TRABD2B: variants seen among roughly 807,000 people sequenced by gnomAD.
TRABD2B encodes metalloprotease TIKI2.
A neutral mutation model predicts 40.1 loss-of-function variants in TRABD2B; 14 were observed. The observed-to-expected ratio is 0.35, with a 90% CI of 0.23 to 0.55. The LOEUF is 0.55. TRABD2B is among the 20% of genes least tolerant of loss of function. The probability of loss-of-function intolerance (pLI) is 0.90; values close to 1 mark genes in which losing one functional copy is unlikely to be tolerated. For synonymous variants in TRABD2B, 263 were observed against 277.0 expected (o/e 0.95, Z 0.50); for missense variants, 541 against 648.6 (o/e 0.83, Z 1.80).
chr1:47,791,819 C>T (rs1644677954), intron 4 of TRABD2B, among the ~76,000 whole-genome samples: 1 of 152,226 alleles, frequency 6.6e-6, no homozygotes, highest in South Asian at 2.1e-4. Flanking sequence ...TAGGATGACT[C>T]TGTAACAGGC....
At chr1:47,966,316 G>A (rs1645602519) in intron 2 of TRABD2B, among the ~76,000 whole-genome samples, 1 of 152,188 alleles carries the variant, frequency 6.6e-6, no homozygotes, top group South Asian at 2.1e-4. Context: ...TGGCCACACG[G>A]CTGGGCTCTT....
At chr1:47,948,114 A>G (rs1336691817) in intron 2 of TRABD2B, among the ~76,000 whole-genome samples, 1 of 152,174 alleles carries the variant, frequency 6.6e-6, no homozygotes. Context: ...AAAAGGTCTG[A>G]AATTCTAATG....
At chr1:47,919,204 T>A (rs180698825) in intron 2 of TRABD2B, among the ~76,000 whole-genome samples, 1 of 152,334 alleles carries the variant, frequency 6.6e-6, no homozygotes, top group Non-Finnish European at 1.5e-5. Flanking sequence ...TAGACAATTA[T>A]CTGAACAAAT....
chr1:47,922,890 C>T (rs1179698734), intron 2 of TRABD2B, among the ~76,000 whole-genome samples: 1 of 152,228 alleles, frequency 6.6e-6, no homozygotes, highest in Non-Finnish European at 1.5e-5. Flanking sequence ...GTTTAAAACC[C>T]TTCAAGGGTC....
rs750236188 is a variant in TRABD2B, at chr1:47,966,648, T to C, written c.666+27386A>G. ...GGCCTGGTGCAGTGGCTCACACTTG[T>C]AATCTCAGCATTTTGGGAGGCCGAG... On this transcript the variant is annotated intron_variant, in intron 2 of 6. Coordinates refer to ENST00000606738, the MANE Select transcript of TRABD2B (RefSeq NM_001194986.2). Among the ~76,000 whole-genome samples, 9 of 152,274 alleles carry C rather than the reference T, an allele frequency of 5.9e-5. No individual in the cohort carries two copies. The East Asian group carries it at 7.7e-4, about 13-fold the overall frequency.
At chr1:47,948,674 C>G (rs1214759269) in intron 2 of TRABD2B, among the ~76,000 whole-genome samples, 1 of 152,114 alleles carries the variant, frequency 6.6e-6, no homozygotes. Flanking sequence ...GAGAAGAATA[C>G]AAAATTCTTA....
rs1644234330 is a variant in TRABD2B at position 47,760,658 on chromosome 1, A to T, written c.*5244T>A. 1 of 152,210 alleles carries T rather than the reference A, an allele frequency of 6.6e-6. No individual in the cohort carries two copies. The allele number at this position is 152,210 out of a possible 1,614,324, so 9.4% of individuals were successfully genotyped here. A position where few individuals can be genotyped will look rare whatever the true frequency, so the allele number is the denominator to read the frequency against. On this transcript the variant is annotated 3_prime_UTR_variant, in exon 7 of 7. Transcript: ENST00000606738. ...CTCTTCATGATAATTCACAGAGGTG[A>T]GGGGCAGAGGTGATAAGAGAACAAC...
intron 2 of TRABD2B, among the ~76,000 whole-genome samples, chr1:47,859,525 T>C (rs1643935334): frequency 6.6e-6 from 1 of 152,246 alleles, no homozygotes; most frequent in African/African-American, 2.4e-5. Flanking sequence ...TGTAGAGCTC[T>C]GGCCACAGAA....
At chr1:47,921,252 T>C (rs1482780442) in intron 2 of TRABD2B, among the ~76,000 whole-genome samples, 2 of 152,194 alleles carry the variant, frequency 1.3e-5, no homozygotes, top group East Asian at 3.9e-4. Flanking sequence ...GACCTGTGAA[T>C]TTCCAGAAGT....
intron 2 of TRABD2B, among the ~76,000 whole-genome samples, chr1:47,841,748 G>A (rs1217974650): frequency 6.6e-6 from 1 of 151,744 alleles, no homozygotes; most frequent in African/African-American, 2.4e-5. Context: ...GACAGGTCTT[G>A]CAAGGATGAC....
chr1:47,875,698 A>T (rs7555413), intron 2 of TRABD2B, among the ~76,000 whole-genome samples: 3 of 132,252 alleles, frequency 2.3e-5, no homozygotes, highest in South Asian at 2.3e-4. Flanking sequence ...AAAAAAAAAA[A>T]AAGAAGAAGG....
chr1:47,858,208 ATTTTATTTTAT>A (rs1186677042), intron 2 of TRABD2B, among the ~76,000 whole-genome samples: 333 of 1,688 alleles, frequency 0.2, 3 homozygotes, highest in African/African-American at 0.24. Context: ...ATTTTACTTT[ATTTTATTTTAT>A]TTTATTTTAT....
At chr1:47,888,212 G>C (rs375811175) in intron 2 of TRABD2B, among the ~76,000 whole-genome samples, 1 of 152,154 alleles carries the variant, frequency 6.6e-6, no homozygotes, top group African/African-American at 2.4e-5. Flanking sequence ...TTAGCCTGAC[G>C]GGCCTGAAAG....
intron 2 of TRABD2B, among the ~76,000 whole-genome samples, chr1:47,868,191 T>A (rs1644087598): frequency 6.6e-6 from 1 of 152,232 alleles, no homozygotes; most frequent in African/African-American, 2.4e-5. Context: ...ATTCTTCAAT[T>A]TAAAATGACA....
At chr1:47,902,044 T>C (rs916763477) in intron 2 of TRABD2B, among the ~76,000 whole-genome samples, 2 of 152,172 alleles carry the variant, frequency 1.3e-5, no homozygotes, top group Admixed American at 6.5e-5. Flanking sequence ...CAACCTTCAA[T>C]TGGCCAGCAC....
At chr1:47,834,590 C>T (rs2095975) in intron 2 of TRABD2B, among the ~76,000 whole-genome samples, 47,462 of 151,868 alleles carry the variant, frequency 0.31, 7,759 homozygotes, top group Non-Finnish European at 0.37. Context: ...CACACACACA[C>T]ACACACACAC....
rs568216172 is a variant in TRABD2B at position 47,800,289 on chromosome 1, G to A, written c.813+1184C>T. ...GTGAGAGTGTGGTCATGCAGGCCAG[G>A]TTGCAATTCTGAGTCAGGTGGTTGG... is the stretch of plus-strand genomic sequence containing the variant. On this transcript the variant is annotated intron_variant, in intron 3 of 6. Transcript: ENST00000606738. Among the ~76,000 whole-genome samples the A allele has an allele frequency of 1.5e-4, 23 of 152,280 alleles. No homozygotes were observed. In the East Asian group the frequency reaches 2.7e-3, roughly 18 times the overall value.
intron 2 of TRABD2B, among the ~76,000 whole-genome samples, chr1:47,889,700 C>T (rs2124646860): frequency 6.6e-6 from 1 of 152,300 alleles, no homozygotes; most frequent in Middle Eastern, 3.4e-3. Context: ...TATCTAGAAT[C>T]CTGGACTGGG....
intron 2 of TRABD2B, among the ~76,000 whole-genome samples, chr1:47,993,062 T>C (rs1646035497): frequency 6.6e-6 from 1 of 152,208 alleles, no homozygotes; most frequent in South Asian, 2.1e-4. Flanking sequence ...CCAATGGTAG[T>C]TTCTGGTCCA....
Sources: allele counts gnomAD v4.1 joint callset (sites outside exome capture counted in the v4.1 genomes callset), GRCh38; gene constraint gnomAD v4.1.1; transcripts MANE v1.5; gene names NCBI Gene and HGNC (gene_info 2026-07-23, HGNC 2026-07-21).